The following AKAP7 variants were observed in gnomAD, a reference collection of about 807,000 sequenced individuals.
AKAP7 encodes A-kinase anchoring protein 7, also known as A kinase (PRKA) anchor protein 7.
Under a neutral mutation model 39.5 loss-of-function variants are expected in AKAP7, and 39 were observed. The ratio of observed to expected loss-of-function variants is 0.99; its 90% CI spans 0.76 to 1.29. AKAP7 has a LOEUF of 1.29. Ranked by LOEUF, AKAP7 falls within the 50% of genes most tolerant of loss-of-function variation. The pLI is 0.00. For missense variants in AKAP7, 414 were observed against 407.7 expected, an observed-to-expected ratio of 1.02 and a Z score of -0.13; for synonymous variants, 140 against 139.1, an observed-to-expected ratio of 1.01 and a Z score of -0.05.
intron 6 of AKAP7, among the ~76,000 whole-genome samples, chr6:131,215,850 A>G (rs992915926): frequency 6.6e-6 from 1 of 152,248 alleles, no homozygotes; most frequent in East Asian, 1.9e-4. Flanking sequence ...CAAAATGGAA[A>G]GCGAGTTTGG....
At chr6:131,194,189 C>T (rs1251202179) in intron 5 of AKAP7, among the ~76,000 whole-genome samples, 2 of 151,920 alleles carry the variant, frequency 1.3e-5, no homozygotes, top group East Asian at 3.9e-4. Context: ...AAAATTCCCT[C>T]TTAGCATGGC....
At chr6:131,181,509 C>T (rs1805240585) in intron 5 of AKAP7, among the ~76,000 whole-genome samples, 1 of 152,204 alleles carries the variant, frequency 6.6e-6, no homozygotes, top group Admixed American at 6.5e-5. Context: ...TGCTTCCAGA[C>T]TCTTTTTCTA....
chr6:131,151,131 C>T (rs1303367747), intron 2 of AKAP7, among the ~76,000 whole-genome samples: 1 of 151,934 alleles, frequency 6.6e-6, no homozygotes, highest in African/African-American at 2.4e-5. Flanking sequence ...CAACCTCTGC[C>T]TCCTGGGTTC....
At chr6:131,165,328 C>T (rs1396398014) in intron 4 of AKAP7, 111 bp downstream of exon 4, 2 of 684,858 alleles carry the variant, frequency 2.9e-6, no homozygotes, top group Non-Finnish European at 4.8e-6. Context: ...AGTCTCTATA[C>T]AATTTATTCC....
At chr6:131,268,630 A>T (rs1401361803) in intron 7 of AKAP7, among the ~76,000 whole-genome samples, 1 of 152,190 alleles carries the variant, frequency 6.6e-6, no homozygotes, top group African/African-American at 2.4e-5. Flanking sequence ...ATTAATGGCA[A>T]CATTTATTCT....
intron 4 of AKAP7, 25 bp downstream of exon 4, chr6:131,165,242 A>G (rs367987201): frequency 7.3e-5 from 113 of 1,557,582 alleles, no homozygotes; most frequent in Non-Finnish European, 9.8e-5. Context: ...TTTCTTAAAT[A>G]TAATTTTCCA....
intron 7 of AKAP7, among the ~76,000 whole-genome samples, chr6:131,267,033 C>T (rs191031896): frequency 2.0e-5 from 3 of 150,826 alleles, no homozygotes; most frequent in African/African-American, 7.3e-5. Context: ...TAGAAAAATT[C>T]ACAGGGTAAA....
At chr6:131,250,438 T>C in intron 7 of AKAP7, 2 of 1,502,138 alleles carry the variant, frequency 1.3e-6, no homozygotes, top group East Asian at 2.3e-5. Context: ...GCATTGGCTC[T>C]TCAAGCTGCC....
At chr6:131,269,040 G>A (rs768151169) in intron 7 of AKAP7, among the ~76,000 whole-genome samples, 1 of 152,118 alleles carries the variant, frequency 6.6e-6, no homozygotes, top group Non-Finnish European at 1.5e-5. Context: ...TGTGGACCAG[G>A]AATTGTGTTT....
chr6:131,248,138 C>T (rs997998150), intron 7 of AKAP7, among the ~76,000 whole-genome samples: 1 of 152,166 alleles, frequency 6.6e-6, no homozygotes, highest in African/African-American at 2.4e-5. Context: ...GGCAAGATTA[C>T]TACCTGGTGC....
intron 3 of AKAP7, among the ~76,000 whole-genome samples, chr6:131,163,843 G>A (rs1803221006): frequency 6.6e-6 from 1 of 152,010 alleles, no homozygotes; most frequent in Non-Finnish European, 1.5e-5. Context: ...ATGGAGGGTG[G>A]TTAGACACCA....
intron 7 of AKAP7, among the ~76,000 whole-genome samples, chr6:131,258,457 C>T (rs1049300840): frequency 2.0e-5 from 3 of 152,172 alleles, no homozygotes; most frequent in Admixed American, 2.0e-4. Flanking sequence ...AATTACTACC[C>T]AAATTGGAAA....
At chr6:131,166,035 A>C (rs538088496) in intron 4 of AKAP7, among the ~76,000 whole-genome samples, 1 of 152,198 alleles carries the variant, frequency 6.6e-6, no homozygotes, top group Non-Finnish European at 1.5e-5. Flanking sequence ...GGGATTGAGG[A>C]AAAGGTAAAA....
intron 2 of AKAP7, among the ~76,000 whole-genome samples, chr6:131,156,823 AGT>A (rs751699746): frequency 6.0e-4 from 90 of 150,268 alleles, no homozygotes; most frequent in Non-Finnish European, 1.2e-3. Context: ...CCCAGGCTGG[AGT>A]GTGCAGTGGT....
intron 2 of AKAP7, among the ~76,000 whole-genome samples, chr6:131,147,909 G>A (rs988406008): frequency 6.6e-6 from 1 of 152,200 alleles, no homozygotes; most frequent in African/African-American, 2.4e-5. Context: ...GCTTCTACTA[G>A]CGATGGAAAG....
chr6:131,142,769 A>G (rs1426138995), intron 1 of AKAP7, among the ~76,000 whole-genome samples: 1 of 152,240 alleles, frequency 6.6e-6, no homozygotes, highest in Non-Finnish European at 1.5e-5. Context: ...TGAGCTTGGA[A>G]AAGCTGCAGA....
At chr6:131,269,967 C>G (rs893935566) in intron 7 of AKAP7, among the ~76,000 whole-genome samples, 3 of 152,170 alleles carry the variant, frequency 2.0e-5, no homozygotes, top group Non-Finnish European at 4.4e-5. Flanking sequence ...CATTACCAGC[C>G]ACATGCTAAT....
the AKAP7 span, among the ~76,000 whole-genome samples, chr6:131,128,884 T>C: frequency 6.6e-6 from 1 of 151,238 alleles, no homozygotes; most frequent in South Asian, 2.1e-4. Flanking sequence ...AATGTACTTA[T>C]CATAGAATTA....
At chr6:131,143,407 G>T (rs2128226097) in intron 1 of AKAP7, among the ~76,000 whole-genome samples, 1 of 152,268 alleles carries the variant, frequency 6.6e-6, no homozygotes, top group East Asian at 1.9e-4. Context: ...TGGCATCTCT[G>T]CCTCTCTGTC....
Sources: allele counts gnomAD v4.1 joint callset (sites outside exome capture counted in the v4.1 genomes callset), GRCh38; gene constraint gnomAD v4.1.1; transcripts MANE v1.5; gene names NCBI Gene and HGNC (gene_info 2026-07-23, HGNC 2026-07-21).